The following AFG1L variants were observed in gnomAD, a reference collection of about 807,000 sequenced individuals.
AFG1L encodes the protein AFG1 like ATPase.
AFG1L carries 53 observed loss-of-function variants against 62.2 expected under a neutral mutation model. That is an observed-to-expected ratio of 0.85 (90% CI 0.68 to 1.07). The LOEUF (loss-of-function observed/expected upper bound fraction) is 1.07. Among genes scored for constraint, AFG1L ranks in the 50% least tolerant of loss-of-function variants. The probability of loss-of-function intolerance (pLI) is 0.00; values close to 1 mark genes in which losing one functional copy is unlikely to be tolerated. For synonymous variants in AFG1L, 228 were observed against 210.3 expected (o/e 1.08, Z -0.73); for missense variants, 555 against 590.5 (o/e 0.94, Z 0.62).
chr6:108,323,186 G>A (rs1266386191), intron 1 of AFG1L, among the ~76,000 whole-genome samples: 1 of 152,232 alleles, frequency 6.6e-6, no homozygotes, highest in Non-Finnish European at 1.5e-5. Flanking sequence ...TCAAAGAAAG[G>A]CAACTCTCTT....
intron 7 of AFG1L, among the ~76,000 whole-genome samples, chr6:108,446,614 C>T (rs1271723879): frequency 1.3e-5 from 2 of 151,528 alleles, no homozygotes; most frequent in African/African-American, 2.4e-5. Context: ...AAGCAATGCT[C>T]GCAGCTTAGC....
At chr6:108,505,079 A>ATTTTT (rs34326858) in intron 10 of AFG1L, among the ~76,000 whole-genome samples, 1 of 142,890 alleles carries the variant, frequency 7.0e-6, no homozygotes. Context: ...CTGAGCTTGG[A>ATTTTT]TTTTTTTTTT....
At chr6:108,311,318 T>G (rs1413434784) in intron 1 of AFG1L, among the ~76,000 whole-genome samples, 1 of 152,184 alleles carries the variant, frequency 6.6e-6, no homozygotes. Context: ...CACTTCTGTC[T>G]GCCCTTCTGA....
chr6:108,447,254 A>G lies in AFG1L; in HGVS notation c.848A>G (p.Tyr283Cys), dbSNP rs768958933. ...GTCCAGCTAGATTCTGGGATAGATT[A>G]CCGGAAAAGGGAACTTCCTGCTGCA... ...NTVQLDSGID[Y>C]RKRELPAAGK... The change falls in exon 8 of 13, where the codon TAC (tyrosine) becomes TGC (cysteine). Residue 283 changes from tyrosine to cysteine, a missense_variant. Transcript: ENST00000368977. 2 of 1,609,694 alleles carry G rather than the reference A, an allele frequency of 1.2e-6. No individual in the cohort carries two copies. The highest frequency in any genetic ancestry group is 4.5e-5 in the East Asian group (2 of 44,770).
chr6:108,304,085 C>T (rs1247278201), intron 1 of AFG1L, among the ~76,000 whole-genome samples: 2 of 152,110 alleles, frequency 1.3e-5, no homozygotes, highest in African/African-American at 2.4e-5. Context: ...GAATGGTAAC[C>T]ACCAAGCATT....
chr6:108,339,271 G>A (rs1161995168), intron 2 of AFG1L, among the ~76,000 whole-genome samples: 3 of 151,114 alleles, frequency 2.0e-5, no homozygotes, highest in African/African-American at 7.3e-5. Context: ...CTCTCGAGTA[G>A]CTGGGACTAC....
At chr6:108,309,817 T>G (rs1386593915) in intron 1 of AFG1L, among the ~76,000 whole-genome samples, 1 of 152,076 alleles carries the variant, frequency 6.6e-6, no homozygotes, top group Non-Finnish European at 1.5e-5. Context: ...ATTAAAAAAT[T>G]TTTATTATAT....
At chr6:108,502,987 C>A (rs549849399) in intron 10 of AFG1L, among the ~76,000 whole-genome samples, 21 of 152,336 alleles carry the variant, frequency 1.4e-4, no homozygotes, top group African/African-American at 3.6e-4. Context: ...AGAAGCAACT[C>A]CTTATCAGTT....
chr6:108,474,896 G>C (rs1562183537), intron 8 of AFG1L, among the ~76,000 whole-genome samples: 1 of 152,128 alleles, frequency 6.6e-6, no homozygotes, highest in Non-Finnish European at 1.5e-5. Context: ...AGTTTAATTA[G>C]ATCCCATTTG....
chr6:108,408,475 G>T (rs1781962586), intron 7 of AFG1L, among the ~76,000 whole-genome samples: 1 of 152,120 alleles, frequency 6.6e-6, no homozygotes, highest in Non-Finnish European at 1.5e-5. Context: ...ATTTTCCTGT[G>T]CTGAACTCTA....
chr6:108,391,121 T>A (rs1781038450), intron 6 of AFG1L, among the ~76,000 whole-genome samples: 1 of 152,176 alleles, frequency 6.6e-6, no homozygotes. Flanking sequence ...TCTTTTCCTC[T>A]GGGTAGATAT....
chr6:108,385,208 C>G (rs1239668226), intron 6 of AFG1L, among the ~76,000 whole-genome samples: 1 of 152,180 alleles, frequency 6.6e-6, no homozygotes, highest in Admixed American at 6.5e-5. Flanking sequence ...GAACAGGCCC[C>G]CAAAATCTGG....
At chr6:108,305,437 G>A (rs1777165931) in intron 1 of AFG1L, among the ~76,000 whole-genome samples, 1 of 152,318 alleles carries the variant, frequency 6.6e-6, no homozygotes, top group Non-Finnish European at 1.5e-5. Flanking sequence ...TCAGGCTGGA[G>A]TGCAGTGGTA....
chr6:108,363,152 G>T (rs928273381), intron 5 of AFG1L, among the ~76,000 whole-genome samples: 3 of 152,054 alleles, frequency 2.0e-5, no homozygotes, highest in African/African-American at 7.2e-5. Flanking sequence ...TTATGTTTTG[G>T]TAAGCATTCA....
intron 5 of AFG1L, chr6:108,359,310 T>C (rs1779430598): frequency 1.3e-5 from 2 of 152,314 alleles, no homozygotes; most frequent in Admixed American, 6.5e-5. Flanking sequence ...CAAAAACAAC[T>C]GTCAGAACAC....
At chr6:108,358,300 G>C (rs1049481078) in intron 5 of AFG1L, among the ~76,000 whole-genome samples, 2 of 152,250 alleles carry the variant, frequency 1.3e-5, no homozygotes, top group East Asian at 1.9e-4. Context: ...AGGTATTGAA[G>C]TTAAATTTTT....
chr6:108,355,646 T>G lies in AFG1L; in HGVS notation c.416-8T>G. 6.5e-7 allele frequency: 1 copy of G among 1,545,712 alleles called. No individual in the cohort carries two copies. Among genetic ancestry groups the G allele is most frequent in the Non-Finnish European group, 8.8e-7 (1 of 1,136,440 alleles). Reference sequence around the variant, plus strand: ...AATAGTATTCTTAAAATTTTTTTTATTTTTAAGGTACAGGAAAAACAATGG... The same window carrying G: ...AATAGTATTCTTAAAATTTTTTTTAGTTTTAAGGTACAGGAAAAACAATGG... On this transcript the variant is annotated splice_region_variant and splice_polypyrimidine_tract_variant and intron_variant, in intron 3 of 12. Coordinates refer to ENST00000368977, the MANE Select transcript of AFG1L (RefSeq NM_145315.5).
At chr6:108,376,562 A>G (rs1291626834) in intron 6 of AFG1L, among the ~76,000 whole-genome samples, 2 of 151,912 alleles carry the variant, frequency 1.3e-5, no homozygotes, top group Non-Finnish European at 2.9e-5. Flanking sequence ...ATTTCCATGT[A>G]ATTGTGTGGT....
At chr6:108,359,605 C>G (rs777951504) in intron 5 of AFG1L, 24 of 152,350 alleles carry the variant, frequency 1.6e-4, no homozygotes, top group Non-Finnish European at 3.4e-4. Context: ...CTAAATGGAC[C>G]ATGCCTGGAC....
Sources: gnomAD v4.1 joint callset for allele counts (sites outside exome capture counted in the v4.1 genomes callset) on GRCh38, gnomAD v4.1.1 for gene constraint, MANE v1.5 for transcripts, NCBI Gene and HGNC (gene_info 2026-07-23, HGNC 2026-07-21) for gene names.